MED13L: variants seen among roughly 807,000 people sequenced by gnomAD.
The protein encoded by MED13L is mediator complex subunit 13L, also known as mediator of RNA polymerase II transcription subunit 13-like.
Under a neutral mutation model 220.9 loss-of-function variants are expected in MED13L, and 7 were observed. The ratio of observed to expected loss-of-function variants is 0.03; its 90% CI spans 0.02 to 0.06. The LOEUF (loss-of-function observed/expected upper bound fraction) is 0.06. Among genes scored for constraint, MED13L ranks in the 10% least tolerant of loss-of-function variants. The pLI is 1.00. For synonymous variants in MED13L, 1,011 were observed against 1,015.2 expected, an observed-to-expected ratio of 1.00 and a Z score of 0.08; for missense variants, 1,965 against 2,760.5, an observed-to-expected ratio of 0.71 and a Z score of 6.46.
chr12:116,268,212 G>A (rs1413764955), intron 1 of MED13L, among the ~76,000 whole-genome samples: 1 of 152,188 alleles, frequency 6.6e-6, no homozygotes, highest in Non-Finnish European at 1.5e-5. Flanking sequence ...TCTGCCTGTG[G>A]TGGTCAGAGG....
intron 4 of MED13L, among the ~76,000 whole-genome samples, chr12:116,078,206 A>T (rs1232483510): frequency 1.3e-5 from 2 of 151,944 alleles, no homozygotes; most frequent in Non-Finnish European, 2.9e-5. Flanking sequence ...CATATGAATT[A>T]TTATGATAAA....
chr12:116,110,967 T>TC (rs1874029953), intron 3 of MED13L, among the ~76,000 whole-genome samples: 1 of 152,206 alleles, frequency 6.6e-6, no homozygotes, highest in Non-Finnish European at 1.5e-5. Flanking sequence ...CATGGATTAA[T>TC]CTTAGGAGGT....
At chr12:116,216,857 C>A (rs1455047001) in intron 2 of MED13L, among the ~76,000 whole-genome samples, 1 of 152,118 alleles carries the variant, frequency 6.6e-6, no homozygotes, top group African/African-American at 2.4e-5. Flanking sequence ...AAATCTCCAA[C>A]AAAGATGTAT....
Position 116,254,209 on chromosome 12 carries a change from T to C in MED13L, c.73-16504A>G, listed in dbSNP as rs559927051. On this transcript the variant is annotated intron_variant, in intron 1 of 30. Transcript: ENST00000281928. Reference sequence around the variant, plus strand: ...AGGATGTACACTCTTACTACTTCTATTCAATACTGCCCTGTAGGTCCTAAT... The same window carrying C: ...AGGATGTACACTCTTACTACTTCTACTCAATACTGCCCTGTAGGTCCTAAT... Among the ~76,000 whole-genome samples, 38 of 152,224 alleles carry C rather than the reference T, an allele frequency of 2.5e-4. 1 individual carries two copies. The highest frequency in any genetic ancestry group is 9.2e-4 in the African/African-American group (38 of 41,476).
At chr12:115,972,366 A>G (rs535899188) in intron 25 of MED13L, 130 bp from the exon 26 acceptor site, 4 of 1,032,284 alleles carry the variant, frequency 3.9e-6, no homozygotes, top group African/African-American at 1.6e-5. Flanking sequence ...ATGGCTTTAC[A>G]TATGTTCCCC....
chr12:115,989,589 T>C (rs1344934407), intron 17 of MED13L, among the ~76,000 whole-genome samples: 2 of 152,140 alleles, frequency 1.3e-5, no homozygotes, highest in Non-Finnish European at 2.9e-5. Flanking sequence ...AAGAGTCTAC[T>C]TGATACCTCT....
At chr12:116,194,504 T>C (rs1403090309) in intron 2 of MED13L, among the ~76,000 whole-genome samples, 2 of 152,146 alleles carry the variant, frequency 1.3e-5, no homozygotes, top group Non-Finnish European at 2.9e-5. Context: ...TTCCTAATCA[T>C]AGTAAAAATC....
intron 2 of MED13L, among the ~76,000 whole-genome samples, chr12:116,185,767 G>A (rs550629606): frequency 6.6e-6 from 1 of 151,870 alleles, no homozygotes; most frequent in East Asian, 1.9e-4. Context: ...CGCAATCTAG[G>A]CTCACTGCAA....
intron 4 of MED13L, among the ~76,000 whole-genome samples, chr12:116,093,959 T>G (rs1433639435): frequency 2.0e-5 from 3 of 152,166 alleles, no homozygotes; most frequent in Non-Finnish European, 4.4e-5. Flanking sequence ...TATAACCCTC[T>G]AAGACATTAT....
At chr12:116,009,908 A>G (rs1276138751) in intron 9 of MED13L, among the ~76,000 whole-genome samples, 4 of 152,202 alleles carry the variant, frequency 2.6e-5, no homozygotes, top group Admixed American at 6.5e-5. Flanking sequence ...CTGTACAACA[A>G]AGTTATACTG....
Position 115,975,309 on chromosome 12 carries a change from G to A in MED13L, c.5593C>T (p.Arg1865Trp), listed in dbSNP as rs1481067275. The A allele has an allele frequency of 3.7e-6, 6 of 1,613,882 alleles. No individual in the cohort carries two copies. Among genetic ancestry groups the A allele is most frequent in the South Asian group, 3.3e-5 (3 of 91,074 alleles). The change falls in exon 25 of 31, where the codon CGG (arginine) becomes TGG (tryptophan). Residue 1865 changes from arginine to tryptophan, a missense_variant. By Grantham distance (101) the Arg-to-Trp change is moderately radical. Around this residue, in one of 10 missense-constraint regions of MED13L, gnomAD observed 510 missense variants for 620.4 expected, o/e 0.82. Coordinates refer to ENST00000281928, the MANE Select transcript of MED13L (RefSeq NM_015335.5). ...TTACGTGCAGATACTTTACTCCTCC[G>A]TGACCTAACAAATAAAGAAATGGGG... ...VVNIALPNRS[R>W]RSKVSARKIG...
intron 1 of MED13L, among the ~76,000 whole-genome samples, chr12:116,259,447 AATATAC>A (rs1872332530): frequency 6.6e-6 from 1 of 152,228 alleles, no homozygotes; most frequent in South Asian, 2.1e-4. Context: ...AACATGTAAA[AATATAC>A]ATATAAATAC....
intron 1 of MED13L, among the ~76,000 whole-genome samples, chr12:116,266,751 A>G (rs1565957936): frequency 6.6e-6 from 1 of 152,246 alleles, no homozygotes; most frequent in Admixed American, 6.5e-5. Context: ...GTATTTTAGA[A>G]CACAGGAGAC....
At chr12:116,153,180 T>C (rs996306272) in intron 2 of MED13L, among the ~76,000 whole-genome samples, 2 of 152,166 alleles carry the variant, frequency 1.3e-5, no homozygotes, top group Non-Finnish European at 2.9e-5. Context: ...ATTATTACTA[T>C]CCACATTAGT....
intron 4 of MED13L, among the ~76,000 whole-genome samples, chr12:116,065,395 TAAAGA>T (rs964858254): frequency 2.6e-5 from 4 of 151,960 alleles, no homozygotes; most frequent in East Asian, 1.9e-4. Context: ...ATGGCAAAAA[TAAAGA>T]AAAGTATTTT....
intron 4 of MED13L, among the ~76,000 whole-genome samples, chr12:116,088,822 G>C (rs1233553741): frequency 1.3e-5 from 2 of 149,362 alleles, no homozygotes; most frequent in Non-Finnish European, 3.0e-5. Flanking sequence ...GAAAAGAAAA[G>C]GCCAAATCAA....
At chr12:116,165,247 G>T (rs903339394) in intron 2 of MED13L, among the ~76,000 whole-genome samples, 2 of 136,920 alleles carry the variant, frequency 1.5e-5, no homozygotes, top group East Asian at 2.3e-4. Context: ...AGGCAATGAA[G>T]TAGGCACCAT....
At chr12:116,201,591 CAT>C (rs1232656669) in intron 2 of MED13L, among the ~76,000 whole-genome samples, 3 of 152,152 alleles carry the variant, frequency 2.0e-5, no homozygotes, top group South Asian at 2.1e-4. Context: ...TTTAATAACA[CAT>C]GTGAAGCAAA....
intron 4 of MED13L, among the ~76,000 whole-genome samples, chr12:116,087,491 A>T (rs540831801): frequency 6.6e-6 from 1 of 152,326 alleles, no homozygotes; most frequent in African/African-American, 2.4e-5. Flanking sequence ...CTAATCTACA[A>T]TGCTTTCCCC....
Sources: allele counts gnomAD v4.1 joint callset (sites outside exome capture counted in the v4.1 genomes callset), GRCh38; gene constraint gnomAD v4.1.1; regional missense constraint gnomAD v4.1.1; transcripts MANE v1.5; gene names NCBI Gene and HGNC (gene_info 2026-07-23, HGNC 2026-07-21).